The following KCNQ5 variants were observed in gnomAD, a reference collection of about 807,000 sequenced individuals.
The protein encoded by KCNQ5 is potassium voltage-gated channel subfamily Q member 5, also known as potassium voltage-gated channel subfamily KQT member 5.
A neutral mutation model predicts 98.2 loss-of-function variants in KCNQ5; 30 were observed. That is an observed-to-expected ratio of 0.31 (90% CI 0.23 to 0.41). KCNQ5 has a LOEUF of 0.41. KCNQ5 is among the 10% of genes least tolerant of loss of function. KCNQ5 has a pLI of 1.00. For missense variants in KCNQ5, 835 were observed against 1,182.5 expected (o/e 0.71, Z 4.31); for synonymous variants, 458 against 449.4 (o/e 1.02, Z -0.24).
At position 72,995,602 on chromosome 6, in the gene KCNQ5, G is replaced by A. The variant is rs144039894; in HGVS notation, c.399-8306G>A. Among the ~76,000 whole-genome samples, 18 of 152,232 alleles carry A rather than the reference G, an allele frequency of 1.2e-4. No homozygotes were observed. In the East Asian group the frequency reaches 3.1e-3, roughly 26 times the overall value. On this transcript the variant is annotated intron_variant, in intron 1 of 13. Coordinates refer to ENST00000370398, the MANE Select transcript of KCNQ5 (RefSeq NM_019842.4). ...GAGAAATTCAGGTAAGATGATAGTC[G>A]TGGGAGAAGAGGTACCTGATAGGGG...
intron 10 of KCNQ5, among the ~76,000 whole-genome samples, chr6:73,145,784 G>C (rs1217395489): frequency 6.6e-6 from 1 of 152,146 alleles, no homozygotes; most frequent in Non-Finnish European, 1.5e-5. Context: ...CTGAGACTGG[G>C]TGATTTATAA....
intron 1 of KCNQ5, among the ~76,000 whole-genome samples, chr6:72,917,547 A>T (rs1005925011): frequency 6.6e-6 from 1 of 151,696 alleles, no homozygotes; most frequent in Non-Finnish European, 1.5e-5. Flanking sequence ...ATCTCGGCTC[A>T]CTGCAACCTC....
intron 1 of KCNQ5, among the ~76,000 whole-genome samples, chr6:72,852,207 A>G (rs1777291017): frequency 6.6e-6 from 1 of 152,130 alleles, no homozygotes; most frequent in South Asian, 2.1e-4. Context: ...TACCTACCCC[A>G]GTGATGTGCT....
At chr6:73,125,868 C>T (rs892858673) in intron 9 of KCNQ5, among the ~76,000 whole-genome samples, 3 of 132,570 alleles carry the variant, frequency 2.3e-5, no homozygotes, top group Non-Finnish European at 4.9e-5. Context: ...TTTGGATATT[C>T]CTTGGAGATA....
Position 73,194,891 on chromosome 6 carries a change from A to G in KCNQ5, c.2276A>G (p.His759Arg), listed in dbSNP as rs759993221. 3.7e-6 allele frequency: 6 copies of G among 1,614,074 alleles called. No homozygotes were observed. Among genetic ancestry groups the G allele is most frequent in the Non-Finnish European group, 5.1e-6 (6 of 1,180,050 alleles). ...CCACCTCCTCTCCCAGCCATCAAGC[A>G]TCTGCCCAGGCCAGAAACTCTGCAC... is the stretch of plus-strand genomic sequence containing the variant. Reference protein sequence around the residue: ...QIPPPLPAIKHLPRPETLHPN... With the variant: ...QIPPPLPAIKRLPRPETLHPN... Residue 759 changes from histidine (H) to arginine (R), a missense_variant, in exon 14 of 14, where the codon CAT (histidine) becomes CGT (arginine). Coordinates refer to ENST00000370398, the MANE Select transcript of KCNQ5 (RefSeq NM_019842.4).
At chr6:73,135,299 A>G (rs994879664) in intron 10 of KCNQ5, 15 of 152,006 alleles carry the variant, frequency 9.9e-5, no homozygotes, top group African/African-American at 3.6e-4. Context: ...TTGAGTGGTG[A>G]GATCACAGTT....
At chr6:72,798,602 T>G (rs1774468408) in intron 1 of KCNQ5, among the ~76,000 whole-genome samples, 2 of 152,214 alleles carry the variant, frequency 1.3e-5, no homozygotes, top group Non-Finnish European at 2.9e-5. Context: ...CTCCATTTTT[T>G]ATAAATCACC....
At chr6:72,789,417 G>A (rs1773918486) in intron 1 of KCNQ5, among the ~76,000 whole-genome samples, 1 of 152,132 alleles carries the variant, frequency 6.6e-6, no homozygotes, top group African/African-American at 2.4e-5. Context: ...CTGAAACTCA[G>A]GTGTTTTACC....
intron 1 of KCNQ5, among the ~76,000 whole-genome samples, chr6:72,987,993 G>T (rs996017672): frequency 2.0e-5 from 3 of 152,168 alleles, no homozygotes; most frequent in African/African-American, 7.2e-5. Context: ...TGGAGACTAA[G>T]GACAAGGACA....
At chr6:73,191,391 T>C (rs888844225) in intron 12 of KCNQ5, among the ~76,000 whole-genome samples, 17 of 152,172 alleles carry the variant, frequency 1.1e-4, no homozygotes, top group Non-Finnish European at 1.8e-4. Context: ...TAGCATCTTA[T>C]TGAGTGATTA....
intron 3 of KCNQ5, chr6:73,054,969 T>C (rs1772405316): frequency 7.4e-6 from 3 of 405,498 alleles, no homozygotes; most frequent in Admixed American, 3.5e-5. Flanking sequence ...AGCTCCTTGG[T>C]TTGATAAACA....
chr6:73,178,502 G>T (rs1020754915), intron 11 of KCNQ5, among the ~76,000 whole-genome samples: 9 of 150,254 alleles, frequency 6.0e-5, no homozygotes, highest in Non-Finnish European at 8.8e-5. Flanking sequence ...GCAAGCATTA[G>T]GAGAACAAGT....
intron 1 of KCNQ5, among the ~76,000 whole-genome samples, chr6:72,770,973 G>T (rs551255436): frequency 6.6e-6 from 1 of 152,202 alleles, no homozygotes; most frequent in Non-Finnish European, 1.5e-5. Flanking sequence ...AATTCTCTCA[G>T]CCCTCAAGGG....
At chr6:72,817,783 A>C (rs1397369883) in intron 1 of KCNQ5, among the ~76,000 whole-genome samples, 1 of 152,000 alleles carries the variant, frequency 6.6e-6, no homozygotes, top group Non-Finnish European at 1.5e-5. Context: ...AATCCCAGCT[A>C]CTCAGGAGGC....
intron 10 of KCNQ5, among the ~76,000 whole-genome samples, chr6:73,162,924 G>C (rs1426570867): frequency 2.0e-5 from 3 of 152,178 alleles, no homozygotes; most frequent in Non-Finnish European, 4.4e-5. Context: ...ATCTGAGTGA[G>C]TGTGGGGGTG....
intron 1 of KCNQ5, among the ~76,000 whole-genome samples, chr6:72,941,482 C>G (rs1477082279): frequency 8.9e-6 from 1 of 112,042 alleles, no homozygotes. Context: ...CTCCTTCCCT[C>G]CCTCCCTTCT....
intron 1 of KCNQ5, among the ~76,000 whole-genome samples, chr6:72,776,640 G>A (rs1364600781): frequency 6.6e-6 from 1 of 152,212 alleles, no homozygotes; most frequent in Non-Finnish European, 1.5e-5. Flanking sequence ...GAGTGCCAGA[G>A]AATTTGAGAC....
At chr6:73,133,969 G>T in intron 10 of KCNQ5, 1 of 492,080 alleles carries the variant, frequency 2.0e-6, no homozygotes, top group Non-Finnish European at 4.1e-6. Context: ...ATGTATTTGT[G>T]ACGTCTGACC....
intron 1 of KCNQ5, among the ~76,000 whole-genome samples, chr6:72,924,902 A>T (rs1780562185): frequency 6.6e-6 from 1 of 152,160 alleles, no homozygotes; most frequent in African/African-American, 2.4e-5. Flanking sequence ...TAAAAAAATT[A>T]TTCATATAAA....
Sources: gnomAD v4.1 joint callset for allele counts (sites outside exome capture counted in the v4.1 genomes callset) on GRCh38, gnomAD v4.1.1 for gene constraint, MANE v1.5 for transcripts, NCBI Gene and HGNC (gene_info 2026-07-23, HGNC 2026-07-21) for gene names.